CPB1: variants seen among roughly 807,000 people sequenced by gnomAD.
CPB1 encodes the protein carboxypeptidase B.
A neutral mutation model predicts 51.4 loss-of-function variants in CPB1; 53 were observed. That is an observed-to-expected ratio of 1.03 (90% CI 0.83 to 1.30). CPB1 has a LOEUF of 1.30. Among genes scored for constraint, CPB1 ranks in the 50% most tolerant of loss-of-function variants. The pLI is 0.00. For synonymous variants in CPB1, 189 were observed against 186.9 expected, an observed-to-expected ratio of 1.01 and a Z score of -0.09; for missense variants, 494 against 516.2, an observed-to-expected ratio of 0.96 and a Z score of 0.42.
At chr3:148,832,638 C>T (rs1712774017) in intron 2 of CPB1, among the ~76,000 whole-genome samples, 1 of 152,236 alleles carries the variant, frequency 6.6e-6, no homozygotes, top group South Asian at 2.1e-4. Flanking sequence ...CAACACACTT[C>T]AGAATTATCC....
intron 10 of CPB1, among the ~76,000 whole-genome samples, chr3:148,858,730 C>G (rs1054739822): frequency 2.6e-5 from 4 of 152,098 alleles, no homozygotes; most frequent in African/African-American, 9.7e-5. Flanking sequence ...GGGCTAGACC[C>G]AAGAGCTGTG....
chr3:148,834,348 C>G (rs559379824), intron 2 of CPB1, 150 bp from the exon 3 acceptor site: 1 of 736,834 alleles, frequency 1.4e-6, no homozygotes, highest in African/African-American at 1.8e-5. Context: ...TTGGTTCCAA[C>G]CCTTGTTCAC....
At position 148,859,846 on chromosome 3, in the gene CPB1, T is replaced by G. The variant is rs558275495; in HGVS notation, c.1098T>G (p.Ala366=). 6 of 1,613,974 alleles carry G rather than the reference T, an allele frequency of 3.7e-6. No individual in the cohort carries two copies. In the African/African-American group the frequency reaches 4.0e-5, roughly 11 times the overall value. Residue 366 remains alanine, a synonymous_variant, in exon 11 of 11, where the codon GCT becomes GCG. Transcript: ENST00000282957. ...YPAAGGSDDW[A]YDQGIRYSFT... Reference sequence around the variant, plus strand: ...CTGCTGGGGGCTCTGACGACTGGGCTTATGACCAAGGAATCAGATATTCCT... The same window carrying G: ...CTGCTGGGGGCTCTGACGACTGGGCGTATGACCAAGGAATCAGATATTCCT...
At chr3:148,845,683 T>C (rs914844293) in intron 9 of CPB1, 57 bp downstream of exon 9, 6 of 1,373,234 alleles carry the variant, frequency 4.4e-6, no homozygotes, top group Non-Finnish European at 1.0e-6. Context: ...TAAATTCTAA[T>C]CCTGAAAAAA....
intron 10 of CPB1, among the ~76,000 whole-genome samples, chr3:148,858,372 ACCAG>A (rs998813499): frequency 6.6e-6 from 1 of 152,102 alleles, no homozygotes; most frequent in Admixed American, 6.5e-5. Context: ...GGAGCTCGAG[ACCAG>A]CCTGCCCAAC....
rs772369161 is a variant in CPB1 at position 148,859,886 on chromosome 3, C to T, written c.1138C>T (p.Arg380Ter). Residue 380 changes from arginine (R) to a stop codon, truncating the protein, a stop_gained, in exon 11 of 11, where the codon CGA (arginine) becomes TGA (stop). Coordinates refer to ENST00000282957, the MANE Select transcript of CPB1 (RefSeq NM_001871.3). LOFTEE classifies it high-confidence loss of function. Reference sequence around the variant, plus strand: ...CAGATATTCCTTCACCTTTGAACTTCGAGATACAGGCAGATATGGCTTTCT... The same window carrying T: ...CAGATATTCCTTCACCTTTGAACTTTGAGATACAGGCAGATATGGCTTTCT... ...GIRYSFTFEL[R>*]DTGRYGFLLP... 8 of 1,613,956 alleles carry T rather than the reference C, an allele frequency of 5.0e-6. No homozygotes were observed. Among genetic ancestry groups the T allele is most frequent in the Non-Finnish European group, 5.9e-6 (7 of 1,179,998 alleles).
At chr3:148,846,616 A>T (rs1713246280) in intron 9 of CPB1, among the ~76,000 whole-genome samples, 1 of 150,832 alleles carries the variant, frequency 6.6e-6, no homozygotes. Flanking sequence ...TTTGAGAACA[A>T]ATCAGAAAAA....
chr3:148,837,092 G>T (rs1712927397), intron 3 of CPB1, among the ~76,000 whole-genome samples: 1 of 152,112 alleles, frequency 6.6e-6, no homozygotes. Context: ...GAAAGACTAG[G>T]AATCAGATAG....
At chr3:148,846,797 G>GTGTATA (rs1364486523) in intron 9 of CPB1, among the ~76,000 whole-genome samples, 1,214 of 50,090 alleles carry the variant, frequency 0.024, 58 homozygotes, top group Non-Finnish European at 0.035. Context: ...GTGTGCGTGT[G>GTGTATA]TATATATATA....
chr3:148,840,969 C>T lies in CPB1; in HGVS notation c.468C>T (p.Leu156=), dbSNP rs753343022. 8.1e-6 allele frequency: 13 copies of T among 1,612,752 alleles called. No homozygotes were observed. The South Asian group carries it at 1.3e-4, about 16-fold the overall frequency. Residue 156 remains leucine, a synonymous_variant, in exon 5 of 11, where the codon CTC becomes CTT. Transcript: ENST00000282957. ...CATTTGAGGGACGCGCTATTTACCT[C>T]CTGAAGGTAATCATTTTTAACCATG... ...GTTFEGRAIY[L]LKVGKAGQNK... is the part of the protein sequence containing the mutation.
intron 2 of CPB1, 49 bp downstream of exon 2, chr3:148,828,126 C>A: frequency 3.6e-6 from 5 of 1,387,088 alleles, no homozygotes; most frequent in Non-Finnish European, 5.1e-6. Flanking sequence ...AATCTTAGAT[C>A]GCACTGTGAT....
In CPB1 at chr3:148,845,442, A is replaced by G. The variant is rs1170231407; in HGVS notation, c.797A>G (p.Asn266Ser). The G allele has an allele frequency of 1.9e-6, 3 of 1,613,644 alleles. No homozygotes were observed. The highest frequency in any genetic ancestry group is 2.5e-6 in the Non-Finnish European group (3 of 1,179,818). ...AGWCEIGASR[N>S]PCDETYCGPA... ...TTTCCAGAAATTGGAGCCTCTCGAA[A>G]CCCCTGTGATGAAACTTACTGTGGA... is the stretch of plus-strand genomic sequence containing the variant. The change falls in exon 9 of 11, where the codon AAC becomes AGC. Residue 266 changes from asparagine (N) to serine (S), a missense_variant. Asn to Ser is a conservative substitution (Grantham distance 46). Coordinates refer to ENST00000282957, the MANE Select transcript of CPB1 (RefSeq NM_001871.3).
chr3:148,838,005 T>C (rs182994974), intron 3 of CPB1, among the ~76,000 whole-genome samples: 1 of 152,058 alleles, frequency 6.6e-6, no homozygotes, highest in East Asian at 1.9e-4. Flanking sequence ...TCCCAGCACC[T>C]TGGGAGGCCT....
At chr3:148,855,713 C>T (rs373318909) in intron 9 of CPB1, 5 of 152,112 alleles carry the variant, frequency 3.3e-5, no homozygotes, top group African/African-American at 1.2e-4. Flanking sequence ...TTTCTACTAA[C>T]TAAAAATAAT....
At chr3:148,850,250 G>C (rs1401266279) in intron 9 of CPB1, among the ~76,000 whole-genome samples, 1 of 152,090 alleles carries the variant, frequency 6.6e-6, no homozygotes. Context: ...TTCCAGTCCA[G>C]TGGCAACTCA....
chr3:148,828,082 G>A lies in CPB1; in HGVS notation c.147+5G>A. 2 of 1,610,606 alleles carry A rather than the reference G, an allele frequency of 1.2e-6. No homozygotes were observed. The highest frequency in any genetic ancestry group is 1.7e-6 in the Non-Finnish European group (2 of 1,177,888). On this transcript the variant is annotated splice_donor_5th_base_variant and intron_variant, in intron 2 of 10. Transcript: ENST00000282957. ...GAGTTGGCCAGCACGACCCAGGTAA[G>A]TAACAATTTTGATTTACTTCACATC...
In CPB1 at chr3:148,855,676, G is replaced by A. The variant is rs144020260; in HGVS notation, c.982-1781G>A. The A allele has an allele frequency of 1.6e-4, 25 of 152,282 alleles. No individual in the cohort carries two copies. In the East Asian group the frequency reaches 4.8e-3, roughly 29 times the overall value. 9.4% of individuals were successfully genotyped at this position (152,282 alleles called of 1,614,324 possible). The stretch of plus-strand genomic sequence containing the variant: ...TTCTCTAGTCTTCGTAACTTTATAT[G>A]TTTGGAACTAATATTGAAGAATCAT... On this transcript the variant is annotated intron_variant, in intron 9 of 10. Coordinates refer to ENST00000282957, the MANE Select transcript of CPB1 (RefSeq NM_001871.3).
At chr3:148,831,834 C>T (rs950824823) in intron 2 of CPB1, among the ~76,000 whole-genome samples, 1 of 152,138 alleles carries the variant, frequency 6.6e-6, no homozygotes, top group Non-Finnish European at 1.5e-5. Flanking sequence ...TTCACAAGGT[C>T]CTGGTAATTT....
At chr3:148,837,270 G>C (rs1712932268) in intron 3 of CPB1, among the ~76,000 whole-genome samples, 1 of 152,174 alleles carries the variant, frequency 6.6e-6, no homozygotes, top group African/African-American at 2.4e-5. Context: ...GCATATTTCA[G>C]AGGCGTACAG....
Sources: allele counts gnomAD v4.1 joint callset (sites outside exome capture counted in the v4.1 genomes callset), GRCh38; gene constraint gnomAD v4.1.1; transcripts MANE v1.5; gene names NCBI Gene and HGNC (gene_info 2026-07-23, HGNC 2026-07-21).